The following XRN2 variants were observed in gnomAD, a reference collection of about 807,000 sequenced individuals.
XRN2 encodes the protein DHM1-like protein.
Under a neutral mutation model 138.5 loss-of-function variants are expected in XRN2, and 44 were observed. The ratio of observed to expected loss-of-function variants is 0.32; its 90% confidence interval spans 0.25 to 0.41. XRN2 has a LOEUF of 0.41. Among genes scored for constraint, XRN2 ranks in the 10% least tolerant of loss-of-function variants. The pLI is 1.00. For synonymous variants in XRN2, 354 were observed against 369.4 expected (o/e 0.96, Z 0.48); for missense variants, 937 against 1,169.3 (o/e 0.80, Z 2.90).
chr20:21,321,301 CTGTGTGTGTGTGTGTGTG>C (rs61188840), intron 1 of XRN2, among the ~76,000 whole-genome samples: 89 of 121,514 alleles, frequency 7.3e-4, no homozygotes, highest in African/African-American at 2.2e-3. Flanking sequence ...CTGTGCCTGG[CTGTGTGTGTGTGTGTGTG>C]TGTGTGTGTG....
chr20:21,372,265 C>T (rs2038771929), intron 27 of XRN2, among the ~76,000 whole-genome samples: 1 of 152,006 alleles, frequency 6.6e-6, no homozygotes, highest in South Asian at 2.1e-4. Context: ...AGTTTATGGA[C>T]AAAAAATTGG....
intron 4 of XRN2, among the ~76,000 whole-genome samples, chr20:21,329,377 G>A (rs1568573898): frequency 1.3e-5 from 2 of 152,134 alleles, no homozygotes; most frequent in African/African-American, 4.8e-5. Flanking sequence ...TGTGAGGTAG[G>A]GTATGGTTGT....
At chr20:21,355,481 C>T (rs180985455) in intron 21 of XRN2, among the ~76,000 whole-genome samples, 38 of 152,194 alleles carry the variant, frequency 2.5e-4, no homozygotes, top group Non-Finnish European at 5.0e-4. Context: ...CATCAAATGA[C>T]ACTGTATATG....
intron 24 of XRN2, among the ~76,000 whole-genome samples, chr20:21,362,048 A>G (rs925019491): frequency 2.6e-5 from 4 of 152,240 alleles, no homozygotes; most frequent in African/African-American, 7.2e-5. Flanking sequence ...TTATTTTTAG[A>G]TACTCCTTTT....
intron 3 of XRN2, 124 bp from the exon 4 acceptor site, chr20:21,328,435 C>A: frequency 1.1e-6 from 1 of 914,866 alleles, no homozygotes; most frequent in Non-Finnish European, 1.6e-6. Flanking sequence ...GATTATTAGA[C>A]ACATTACTTA....
intron 27 of XRN2, among the ~76,000 whole-genome samples, chr20:21,372,159 G>A (rs377087328): frequency 6.6e-6 from 1 of 152,204 alleles, no homozygotes; most frequent in Non-Finnish European, 1.5e-5. Context: ...CCTCTGCCTC[G>A]TGACTTGTAA....
At chr20:21,382,092 TTC>T in intron 28 of XRN2, 35 bp downstream of exon 28, 1 of 1,563,782 alleles carries the variant, frequency 6.4e-7, no homozygotes, top group African/African-American at 1.4e-5. Context: ...TTTAAATACT[TTC>T]TGACACCAAC....
intron 13 of XRN2, among the ~76,000 whole-genome samples, chr20:21,337,747 A>G (rs1013744532): frequency 1.3e-5 from 2 of 152,190 alleles, no homozygotes; most frequent in Admixed American, 6.5e-5. Flanking sequence ...AAAACTTGCA[A>G]CCTCCAGCAT....
chr20:21,316,681 A>G (rs965489603), intron 1 of XRN2, among the ~76,000 whole-genome samples: 1 of 152,198 alleles, frequency 6.6e-6, no homozygotes, highest in Non-Finnish European at 1.5e-5. Flanking sequence ...TGTCTTGATT[A>G]CTGTTGATTA....
intron 21 of XRN2, 75 bp from the exon 22 acceptor site, chr20:21,356,005 T>G: frequency 9.6e-7 from 1 of 1,036,660 alleles, no homozygotes; most frequent in Non-Finnish European, 1.4e-6. Flanking sequence ...CTTTCCCTTG[T>G]TTTATGCTCA....
chr20:21,351,726 C>G (rs917655854), intron 20 of XRN2, among the ~76,000 whole-genome samples: 1 of 152,162 alleles, frequency 6.6e-6, no homozygotes, highest in Non-Finnish European at 1.5e-5. Context: ...TTAGTTCTTA[C>G]ATTTAAATCT....
intron 28 of XRN2, 70 bp from the exon 29 acceptor site, chr20:21,386,798 C>A (rs956128064): frequency 1.3e-6 from 2 of 1,536,018 alleles, no homozygotes; most frequent in East Asian, 2.3e-5. Context: ...GGAGATGATA[C>A]CTGCCGATTT....
intron 27 of XRN2, among the ~76,000 whole-genome samples, chr20:21,373,834 T>G (rs1221231083): frequency 1.3e-5 from 2 of 152,210 alleles, no homozygotes; most frequent in Non-Finnish European, 2.9e-5. Context: ...TTGTCTATCT[T>G]TTTGTTTTGT....
At chr20:21,315,397 A>G (rs533002268) in intron 1 of XRN2, among the ~76,000 whole-genome samples, 1 of 152,132 alleles carries the variant, frequency 6.6e-6, no homozygotes, top group Admixed American at 6.5e-5. Flanking sequence ...TTTGATTTGC[A>G]TTTTCTGATG....
chr20:21,335,517 G>T (rs1403514244), intron 13 of XRN2, among the ~76,000 whole-genome samples: 3 of 152,162 alleles, frequency 2.0e-5, no homozygotes, highest in African/African-American at 7.2e-5. Context: ...AACATAGTGG[G>T]TTGACTGTAA....
rs115684386 is a variant in XRN2, at chr20:21,387,502, A to G, written c.2787+496A>G. Among the ~76,000 whole-genome samples the G allele has an allele frequency of 2.5e-3, 374 of 152,124 alleles. 2 individuals are homozygous for G. Among genetic ancestry groups the G allele is most frequent in the African/African-American group, 8.6e-3 (358 of 41,500 alleles). On this transcript the variant is annotated intron_variant, in intron 29 of 29. Transcript: ENST00000377191. ...ATTTCTGCTTGATAATCTTCCACAT[A>G]TTTTTCTTCTCAATGTAAGCAGCTG...
At chr20:21,319,137 CTT>C (rs1350998042) in intron 1 of XRN2, among the ~76,000 whole-genome samples, 2 of 152,116 alleles carry the variant, frequency 1.3e-5, no homozygotes, top group African/African-American at 4.8e-5. Flanking sequence ...AAATGACCCT[CTT>C]TACCTCCAGT....
intron 22 of XRN2, 56 bp downstream of exon 22, chr20:21,356,233 A>G: frequency 7.4e-7 from 1 of 1,352,978 alleles, no homozygotes; most frequent in Non-Finnish European, 1.0e-6. Context: ...TTGGTAAAAT[A>G]TGCATAACAT....
Position 21,344,097 on chromosome 20 carries a change from C to T in XRN2, c.1418C>T (p.Ser473Leu), listed in dbSNP as rs761003634. 3.1e-6 allele frequency: 5 copies of T among 1,608,664 alleles called. No homozygotes were observed. The highest frequency in any genetic ancestry group is 1.7e-5 in the Admixed American group (1 of 59,902). Residue 473 changes from serine (S) to leucine (L), a missense_variant, in exon 16 of 30, where the codon TCG (serine) becomes TTG (leucine). Physicochemically the swap from Ser to Leu is moderately radical, Grantham distance 145. Coordinates refer to ENST00000377191, the MANE Select transcript of XRN2 (RefSeq NM_012255.5). ...TGTCATCATTGTCTGCAGAGTCCTT[C>T]GATATCTCCTAATACGAGTTTCACA... ...EMRMQNNSSP[S>L]ISPNTSFTSD... is the part of the protein sequence containing the mutation.
Sources: gnomAD v4.1 joint callset for allele counts (sites outside exome capture counted in the v4.1 genomes callset) on GRCh38, gnomAD v4.1.1 for gene constraint, MANE v1.5 for transcripts, NCBI Gene and HGNC (gene_info 2026-07-23, HGNC 2026-07-21) for gene names.